Variants in TBC1D4 observed in about 807,000 individuals in gnomAD.
The protein encoded by TBC1D4 is TBC1 domain family member 4.
Under a neutral mutation model 142.5 loss-of-function variants are expected in TBC1D4, and 121 were observed. The observed-to-expected ratio is 0.85, with a 90% CI of 0.73 to 0.99. The LOEUF is 0.99. Ranked by LOEUF, TBC1D4 falls within the 50% of genes least tolerant of loss-of-function variation. TBC1D4 has a pLI of 0.00. For missense variants in TBC1D4, 1,475 were observed against 1,606.6 expected, an observed-to-expected ratio of 0.92 and a Z score of 1.40; for synonymous variants, 630 against 628.2, an observed-to-expected ratio of 1.00 and a Z score of -0.04.
chr13:75,295,002 G>C lies in TBC1D4; in HGVS notation c.3168C>G (p.Tyr1056Ter). The C allele has an allele frequency of 6.2e-7, 1 of 1,613,356 alleles. No homozygotes were observed. Among genetic ancestry groups the C allele is most frequent in the Non-Finnish European group, 8.5e-7 (1 of 1,179,672 alleles). The change falls in exon 18 of 21, where the codon TAC (tyrosine) becomes TAG (stop). Residue 1056 changes from tyrosine (Y) to a stop codon, truncating the protein, a stop_gained. Transcript: ENST00000377636. LOFTEE classifies it high-confidence loss of function. ...AGTCATGAAGGAGCCTGGACAGCTG[G>C]TACATTTGAATCTAAAGTTAATTTG... is the stretch of plus-strand genomic sequence containing the variant. Reference protein sequence around the residue: ...PDMMSLQIQMYQLSRLLHDYH... With the variant: ...PDMMSLQIQM
intron 1 of TBC1D4, among the ~76,000 whole-genome samples, chr13:75,453,674 C>T (rs1887615532): frequency 6.6e-6 from 1 of 151,994 alleles, no homozygotes; most frequent in Non-Finnish European, 1.5e-5. Context: ...CTAGCCTGGC[C>T]AACATGGCAA....
intron 8 of TBC1D4, among the ~76,000 whole-genome samples, chr13:75,333,612 C>T (rs147141313): frequency 1.2e-4 from 19 of 152,232 alleles, no homozygotes; most frequent in Non-Finnish European, 1.8e-4. Context: ...TGTGTATTTT[C>T]TATAAAAAAG....
chr13:75,340,996 G>A, intron 7 of TBC1D4, 129 bp downstream of exon 7: 2 of 780,440 alleles, frequency 2.6e-6, no homozygotes, highest in Non-Finnish European at 4.5e-6. Flanking sequence ...GCTGGGCGGG[G>A]GAGTGAGGGG....
intron 1 of TBC1D4, among the ~76,000 whole-genome samples, chr13:75,424,573 T>C (rs1886304081): frequency 6.6e-6 from 1 of 151,592 alleles, no homozygotes; most frequent in Non-Finnish European, 1.5e-5. Context: ...TTGAGCAAAA[T>C]GAACAAAGCT....
In TBC1D4 at chr13:75,336,921, C is replaced by A; in HGVS notation, c.1731G>T (p.Arg577Ser). ...TGAAAGACCATTGGTGCAATCTTAC[C>A]CTTGAGAAGATATTTTCCAGGGAGC... ...LTSSLENIFS[R>S]GANRMRGRLG... is the part of the protein sequence containing the mutation. The change falls in exon 8 of 21, where the codon AGG becomes AGT. Residue 577 changes from arginine to serine, a missense_variant and splice_region_variant. Arg to Ser is a moderately radical substitution (Grantham distance 110). This residue lies in a region of TBC1D4 where 1,227 missense variants were observed against 1,267.7 expected (regional missense o/e 0.97). Coordinates refer to ENST00000377636, the MANE Select transcript of TBC1D4 (RefSeq NM_014832.5). 1 of 1,613,358 alleles carries A rather than the reference C, an allele frequency of 6.2e-7. No homozygotes were observed.
At chr13:75,423,187 T>C (rs896508049) in intron 1 of TBC1D4, among the ~76,000 whole-genome samples, 11 of 152,130 alleles carry the variant, frequency 7.2e-5, no homozygotes, top group African/African-American at 2.4e-4. Context: ...CATAGAAAGT[T>C]ATGACAGTTT....
chr13:75,314,759 G>A (rs1048235870), intron 12 of TBC1D4, among the ~76,000 whole-genome samples: 10 of 150,958 alleles, frequency 6.6e-5, no homozygotes, highest in African/African-American at 2.2e-4. Flanking sequence ...CTGAGGTCAG[G>A]AGTTCAAGAG....
At chr13:75,313,922 T>C (rs1878034136) in intron 12 of TBC1D4, among the ~76,000 whole-genome samples, 1 of 152,314 alleles carries the variant, frequency 6.6e-6, no homozygotes, top group African/African-American at 2.4e-5. Context: ...AAACAGTGTA[T>C]AGAAATTCCC....
In TBC1D4 at chr13:75,302,251, A is replaced by C; in HGVS notation, c.2903T>G (p.Val968Gly). ...QLTAQQHAIL[V>G]DLGRTFPTHP... The stretch of plus-strand genomic sequence containing the variant: ...CCACATGACAAACATACCTAAATCC[A>C]CGAGAATCGCATGCTGCTGAGCAGT... Residue 968 changes from valine to glycine, a missense_variant, in exon 16 of 21, where the codon GTG becomes GGG. This residue lies in a region of TBC1D4 where 1,227 missense variants were observed against 1,267.7 expected (regional missense o/e 0.97). Coordinates refer to ENST00000377636, the MANE Select transcript of TBC1D4 (RefSeq NM_014832.5). 2 of 1,614,188 alleles carry C rather than the reference A, an allele frequency of 1.2e-6. No homozygotes were observed. The highest frequency in any genetic ancestry group is 4.5e-5 in the East Asian group (2 of 44,882).
intron 1 of TBC1D4, among the ~76,000 whole-genome samples, chr13:75,419,428 G>A (rs1219494425): frequency 1.3e-5 from 2 of 152,010 alleles, no homozygotes; most frequent in Non-Finnish European, 2.9e-5. Context: ...CAACTTTTTA[G>A]TTTTTATAGT....
intron 5 of TBC1D4, among the ~76,000 whole-genome samples, chr13:75,344,339 A>C (rs1350489549): frequency 1.3e-5 from 2 of 152,264 alleles, no homozygotes; most frequent in Admixed American, 6.5e-5. Context: ...TATGTAACTA[A>C]ATTCATAAAC....
At chr13:75,327,632 A>T in intron 9 of TBC1D4, 120 bp downstream of exon 9, 1 of 961,186 alleles carries the variant, frequency 1.0e-6, no homozygotes, top group Non-Finnish European at 1.6e-6. Context: ...ATAAAGTCTC[A>T]AATATTTATT....
intron 12 of TBC1D4, among the ~76,000 whole-genome samples, chr13:75,319,567 A>G (rs985843595): frequency 6.6e-6 from 1 of 152,230 alleles, no homozygotes; most frequent in African/African-American, 2.4e-5. Context: ...TTAGGTGAAC[A>G]GAAATAGACG....
chr13:75,395,096 A>G (rs766206789), intron 1 of TBC1D4, among the ~76,000 whole-genome samples: 8 of 152,226 alleles, frequency 5.3e-5, no homozygotes, highest in Non-Finnish European at 8.8e-5. Flanking sequence ...CAATTAGAAT[A>G]TATGTTCTAA....
intron 1 of TBC1D4, among the ~76,000 whole-genome samples, chr13:75,457,231 A>G (rs1887774410): frequency 6.6e-6 from 1 of 152,318 alleles, no homozygotes; most frequent in Admixed American, 6.5e-5. Flanking sequence ...ACATCAATTT[A>G]AGATTTTATT....
intron 8 of TBC1D4, among the ~76,000 whole-genome samples, chr13:75,328,668 T>C (rs1032413904): frequency 6.6e-6 from 1 of 152,102 alleles, no homozygotes; most frequent in African/African-American, 2.4e-5. Context: ...TGTGGCGAAG[T>C]TCTAAAAAAG....
At chr13:75,383,470 C>CCT (rs1351972721) in intron 1 of TBC1D4, among the ~76,000 whole-genome samples, 2 of 152,130 alleles carry the variant, frequency 1.3e-5, no homozygotes, top group Admixed American at 1.3e-4. Flanking sequence ...TTGTTTTTAT[C>CCT]CTCATTGCAC....
chr13:75,456,755 C>T (rs1887751540), intron 1 of TBC1D4, among the ~76,000 whole-genome samples: 1 of 149,430 alleles, frequency 6.7e-6, no homozygotes, highest in Admixed American at 6.8e-5. Flanking sequence ...AAGCCCAAAC[C>T]AATGCTATCC....
chr13:75,458,026 C>A (rs550541511), intron 1 of TBC1D4, among the ~76,000 whole-genome samples: 1 of 152,108 alleles, frequency 6.6e-6, no homozygotes, highest in African/African-American at 2.4e-5. Flanking sequence ...AAGTAGTTGC[C>A]GTTCATGGAT....
Sources: allele counts gnomAD v4.1 joint callset (sites outside exome capture counted in the v4.1 genomes callset), GRCh38; gene constraint gnomAD v4.1.1; regional missense constraint gnomAD v4.1.1; transcripts MANE v1.5; gene names NCBI Gene and HGNC (gene_info 2026-07-23, HGNC 2026-07-21).